Variants in ZMYND8 observed in about 807,000 individuals in gnomAD.
The protein encoded by ZMYND8 is zinc finger MYND-type containing 8, also known as MYND-type zinc finger-containing chromatin reader ZMYND8.
ZMYND8 carries 37 observed loss-of-function variants against 140.8 expected under a neutral mutation model. The observed-to-expected ratio is 0.26, with a 90% CI of 0.20 to 0.35. The LOEUF (loss-of-function observed/expected upper bound fraction) is 0.35, where lower values mean the gene tolerates loss of function less well. Among genes scored for constraint, ZMYND8 ranks in the 10% least tolerant of loss-of-function variants. The pLI, the probability that ZMYND8 is intolerant of heterozygous loss-of-function variation, is 1.00. For missense variants in ZMYND8, 1,068 were observed against 1,570.0 expected (o/e 0.68, Z 5.40); for synonymous variants, 592 against 597.1 (o/e 0.99, Z 0.12).
At chr20:47,310,507 G>T (rs1429685464) in intron 2 of ZMYND8, among the ~76,000 whole-genome samples, 1 of 152,090 alleles carries the variant, frequency 6.6e-6, no homozygotes, top group African/African-American at 2.4e-5. Context: ...TAAAAAAACA[G>T]ATTAGGAGGG....
intron 2 of ZMYND8, among the ~76,000 whole-genome samples, chr20:47,322,800 C>T (rs543938113): frequency 6.6e-6 from 1 of 152,316 alleles, no homozygotes; most frequent in African/African-American, 2.4e-5. Flanking sequence ...CACAGCACGC[C>T]CCACCTCCAT....
In ZMYND8 at chr20:47,246,126, A is replaced by G; in HGVS notation, c.2166T>C (p.His722=). Residue 722 remains histidine, a synonymous_variant, in exon 14 of 23, where the codon CAT becomes CAC. Coordinates refer to ENST00000471951, the MANE Select transcript of ZMYND8 (RefSeq NM_001281775.3). The stretch of plus-strand genomic sequence containing the variant: ...TCTCTGAATCAGAGTCCAGGCCCAA[A>G]TGGACTGTTGGGGAATCCGTCTCAT... ...GKDETDSPTV[H]LGLDSDSESE... is the part of the protein sequence containing the mutation. 6.2e-7 allele frequency: 1 copy of G among 1,614,146 alleles called. No individual in the cohort carries two copies. Among genetic ancestry groups the G allele is most frequent in the Non-Finnish European group, 8.5e-7 (1 of 1,180,032 alleles).
chr20:47,212,599 G>C (rs542293635), intron 22 of ZMYND8, 43 bp downstream of exon 22: 2 of 1,604,488 alleles, frequency 1.2e-6, no homozygotes, highest in Non-Finnish European at 1.7e-6. Flanking sequence ...CTGCATACCA[G>C]GAAGAAGCCC....
chr20:47,212,769 G>T, intron 21 of ZMYND8, 44 bp from the exon 22 acceptor site: 1 of 1,541,012 alleles, frequency 6.5e-7, no homozygotes, highest in South Asian at 1.2e-5. Context: ...TCAGAGAGCT[G>T]GAATTCCGCA....
chr20:47,290,590 T>TG (rs1569111188), intron 6 of ZMYND8, among the ~76,000 whole-genome samples: 1 of 142,358 alleles, frequency 7.0e-6, no homozygotes, highest in Non-Finnish European at 1.5e-5. Context: ...TTAGTTTTTT[T>TG]TTTTTTTTTT....
chr20:47,323,302 G>A (rs1601926019), intron 2 of ZMYND8, among the ~76,000 whole-genome samples: 4 of 152,230 alleles, frequency 2.6e-5, no homozygotes, highest in Admixed American at 2.6e-4. Flanking sequence ...CAGGACAGTG[G>A]CACAGTCATG....
chr20:47,309,675 G>A (rs1238212790), intron 3 of ZMYND8, among the ~76,000 whole-genome samples: 4 of 151,706 alleles, frequency 2.6e-5, no homozygotes, highest in East Asian at 1.9e-4. Flanking sequence ...CCAAGCAACC[G>A]CTTCCAGACA....
In ZMYND8 at chr20:47,246,487, G is replaced by A. The variant is rs773983281; in HGVS notation, c.1805C>T (p.Thr602Met). Residue 602 changes from threonine (T) to methionine (M), a missense_variant, in exon 14 of 23, where the codon ACG (threonine) becomes ATG (methionine). Coordinates refer to ENST00000471951, the MANE Select transcript of ZMYND8 (RefSeq NM_001281775.3). ...GINEISEDVYTAVEHSDSEDS... is the reference protein window; with the variant it reads ...GINEISEDVYMAVEHSDSEDS... ...CTCCGAATCGCTGTGCTCTACGGCC[G>A]TATAGACATCTTCCGAGATTTCATT... is the stretch of plus-strand genomic sequence containing the variant. The A allele has an allele frequency of 1.0e-5, 16 of 1,592,538 alleles. No homozygotes were observed. The highest frequency in any genetic ancestry group is 6.7e-5 in the East Asian group (3 of 44,674).
At chr20:47,296,677 C>T (rs565477283) in intron 4 of ZMYND8, among the ~76,000 whole-genome samples, 22 of 152,210 alleles carry the variant, frequency 1.4e-4, no homozygotes, top group African/African-American at 4.6e-4. Context: ...TTTTGTTGGC[C>T]GGGCACAGTG....
intron 8 of ZMYND8, chr20:47,285,927 A>T (rs2076890970): frequency 1.2e-6 from 1 of 802,862 alleles, no homozygotes; most frequent in Admixed American, 6.2e-5. Flanking sequence ...TTGGTGGCTG[A>T]GGCCTATATT....
Position 47,229,360 on chromosome 20 carries a change from C to T in ZMYND8, c.2937+366G>A, listed in dbSNP as rs76318930. ...ACATAATTATGGAGACTCCAGTACA[C>T]AAATTATTGAACAAGAAGAAGCACT... On this transcript the variant is annotated intron_variant, in intron 17 of 22. Coordinates refer to ENST00000471951, the MANE Select transcript of ZMYND8 (RefSeq NM_001281775.3). Among the ~76,000 whole-genome samples the T allele has an allele frequency of 2.5e-3, 379 of 152,036 alleles. 1 individual carries two copies. Among genetic ancestry groups the T allele is most frequent in the African/African-American group, 8.6e-3 (358 of 41,484 alleles).
intron 2 of ZMYND8, among the ~76,000 whole-genome samples, chr20:47,339,216 C>G (rs1386157067): frequency 1.3e-5 from 2 of 151,910 alleles, no homozygotes; most frequent in Non-Finnish European, 2.9e-5. Context: ...TTGTGATCCG[C>G]CCGCCTCGGC....
chr20:47,236,121 T>C (rs1047732669), intron 16 of ZMYND8, among the ~76,000 whole-genome samples: 3 of 152,242 alleles, frequency 2.0e-5, no homozygotes, highest in Non-Finnish European at 4.4e-5. Context: ...CTAAGCCCAC[T>C]TGGAGTAAGA....
chr20:47,257,437 T>C (rs2074824639), intron 12 of ZMYND8, among the ~76,000 whole-genome samples: 1 of 151,730 alleles, frequency 6.6e-6, no homozygotes, highest in African/African-American at 2.4e-5. Flanking sequence ...CACAAATATA[T>C]ACCCATATAC....
Position 47,276,449 on chromosome 20 carries a change from T to C in ZMYND8, c.1345A>G (p.Met449Val). Reference sequence around the variant, plus strand: ...TTTGTGCTCATGGGGGAGCGCGGCATATCCGACAAGGAAATCCGGCGGCCT... The same window carrying C: ...TTTGTGCTCATGGGGGAGCGCGGCACATCCGACAAGGAAATCCGGCGGCCT... ...GTGRRISLSD[M>V]PRSPMSTNSS... Residue 449 changes from methionine (M) to valine (V), a missense_variant, in exon 11 of 23, where the codon ATG (methionine) becomes GTG (valine). Around this residue, in one of 10 missense-constraint regions of ZMYND8, gnomAD observed 173 missense variants for 223.3 expected, o/e 0.77. Transcript: ENST00000471951. The C allele has an allele frequency of 1.9e-6, 3 of 1,614,076 alleles. No homozygotes were observed. The highest frequency in any genetic ancestry group is 2.5e-6 in the Non-Finnish European group (3 of 1,180,008).
intron 16 of ZMYND8, among the ~76,000 whole-genome samples, chr20:47,232,887 G>GTTT (rs1391340787): frequency 9.7e-6 from 1 of 103,616 alleles, no homozygotes; most frequent in African/African-American, 5.5e-5. Flanking sequence ...CCTCCCCCAT[G>GTTT]TTTTTTTTTG....
chr20:47,252,908 G>C (rs975884646), intron 12 of ZMYND8, among the ~76,000 whole-genome samples: 3 of 152,180 alleles, frequency 2.0e-5, no homozygotes, highest in African/African-American at 4.8e-5. Flanking sequence ...AAAAGAGCCA[G>C]ACCTTATCTC....
At chr20:47,217,242 A>G (rs955985076) in intron 21 of ZMYND8, among the ~76,000 whole-genome samples, 4 of 150,952 alleles carry the variant, frequency 2.6e-5, no homozygotes, top group African/African-American at 9.9e-5. Flanking sequence ...GTGCCTTATT[A>G]GCAGAGCCAC....
intron 16 of ZMYND8, among the ~76,000 whole-genome samples, chr20:47,232,352 G>A: frequency 6.7e-6 from 1 of 148,918 alleles, no homozygotes; most frequent in East Asian, 1.9e-4. Context: ...CCAGCTAAGA[G>A]TGAGACCTTG....
Sources: gnomAD v4.1 joint callset for allele counts (sites outside exome capture counted in the v4.1 genomes callset) on GRCh38, gnomAD v4.1.1 for gene constraint, gnomAD v4.1.1 regional missense constraint, MANE v1.5 for transcripts, NCBI Gene and HGNC (gene_info 2026-07-23, HGNC 2026-07-21) for gene names.